The following ZNF723 variants were observed in gnomAD, a reference collection of about 807,000 sequenced individuals.
ZNF723 encodes zinc finger protein 723, pseudogene.
A neutral mutation model predicts 9.4 loss-of-function variants in ZNF723; 5 were observed. The ratio of observed to expected loss-of-function variants is 0.53; its 90% confidence interval spans 0.28 to 1.12. The LOEUF is 1.12. Among genes scored for constraint, ZNF723 ranks in the 50% most tolerant of loss-of-function variants. ZNF723 has a pLI of 0.10. For missense variants in ZNF723, 450 were observed against 501.5 expected (o/e 0.90, Z 0.98); for synonymous variants, 158 against 168.8 (o/e 0.94, Z 0.49).
At chr19:22,855,781 A>G (rs142807265) in intron 3 of ZNF723, among the ~76,000 whole-genome samples, 2 of 152,294 alleles carry the variant, frequency 1.3e-5, no homozygotes, top group Non-Finnish European at 2.9e-5. Context: ...GTTATCTGAA[A>G]GCCTGCTTGT....
At chr19:22,820,149 TCTC>T in the ZNF723 span, among the ~76,000 whole-genome samples, 1 of 152,102 alleles carries the variant, frequency 6.6e-6, no homozygotes, top group African/African-American at 2.4e-5. Flanking sequence ...GGGTTGGAAA[TCTC>T]CTTTCTCTGC....
the ZNF723 span, among the ~76,000 whole-genome samples, chr19:22,818,947 A>G: frequency 6.6e-6 from 1 of 152,092 alleles, no homozygotes; most frequent in African/African-American, 2.4e-5. Context: ...GAATTGTGAC[A>G]TATCTCTGCA....
chr19:22,830,602 G>A (rs949539197), upstream of ZNF723, among the ~76,000 whole-genome samples: 1 of 152,040 alleles, frequency 6.6e-6, no homozygotes, highest in Non-Finnish European at 1.5e-5. Flanking sequence ...CCCATCTATG[G>A]GGCAGCATTG....
the ZNF723 span, among the ~76,000 whole-genome samples, chr19:22,813,612 G>A: frequency 6.6e-6 from 1 of 151,760 alleles, no homozygotes; most frequent in Admixed American, 6.6e-5. Context: ...ATTGTGGCGG[G>A]TGTCTGTAAT....
At chr19:22,830,410 C>G (rs906915111), upstream of ZNF723, among the ~76,000 whole-genome samples, 3 of 152,166 alleles carry the variant, frequency 2.0e-5, no homozygotes, top group African/African-American at 7.2e-5. Flanking sequence ...CCAAGTGATT[C>G]TTTCAACTCA....
At chr19:22,831,464 G>C (rs942894299), upstream of ZNF723, among the ~76,000 whole-genome samples, 3 of 151,988 alleles carry the variant, frequency 2.0e-5, no homozygotes, top group African/African-American at 4.8e-5. Flanking sequence ...GGCTGAGGCA[G>C]GACAATCACT....
chr19:22,827,442 T>TATTG (rs1555737918), upstream of ZNF723, among the ~76,000 whole-genome samples: 3 of 130,396 alleles, frequency 2.3e-5, no homozygotes, highest in South Asian at 7.6e-4. Context: ...TTTTTTGTTT[T>TATTG]TTTGTTTGTT....
chr19:22,832,902 G>GA (rs1240457097), intron 1 of ZNF723, among the ~76,000 whole-genome samples: 1 of 152,134 alleles, frequency 6.6e-6, no homozygotes, highest in African/African-American at 2.4e-5. Flanking sequence ...GATGCATGAT[G>GA]AAAAAACCCA....
At position 22,857,859 on chromosome 19, in the gene ZNF723, A is replaced by C; in HGVS notation, c.968A>C (p.Asn323Thr). 1 of 1,405,016 alleles carries C rather than the reference A, an allele frequency of 7.1e-7. No homozygotes were observed. The highest frequency in any genetic ancestry group is 1.4e-5 in the African/African-American group (1 of 70,716). The allele number at this position is 1,405,016 out of a possible 1,614,324, so 87.0% of individuals were successfully genotyped here. A position where few individuals can be genotyped will look rare whatever the true frequency, so the allele number is the denominator to read the frequency against. ...YKCEECGKAF[N>T]QPSHLATHKR... ...TGTGAAGAATGTGGCAAAGCCTTTA[A>C]CCAGCCCTCACACCTTGCTACACAT... Residue 323 changes from asparagine to threonine, a missense_variant, in exon 4 of 4, where the codon AAC becomes ACC. Physicochemically the swap from Asn to Thr is moderately conservative, Grantham distance 65. Transcript: ENST00000600766.
chr19:22,814,709 A>G, the ZNF723 span, among the ~76,000 whole-genome samples: 1 of 152,172 alleles, frequency 6.6e-6, no homozygotes, highest in Non-Finnish European at 1.5e-5. Context: ...CTTCTTGCAC[A>G]TGTGATTGTG....
chr19:22,832,491 CGCTCGGAGTTCTAGCCTG>C, intron 1 of ZNF723, 109 bp downstream of exon 1: 1 of 1,168,092 alleles, frequency 8.6e-7, no homozygotes. Flanking sequence ...CCACAATCTG[CGCTCGGAGTTCTAGCCTG>C]GCCCGGCCTC....
At chr19:22,839,560 G>A (rs1255680855) in intron 1 of ZNF723, among the ~76,000 whole-genome samples, 1 of 148,412 alleles carries the variant, frequency 6.7e-6, no homozygotes, top group African/African-American at 2.5e-5. Flanking sequence ...TCCACCTCCT[G>A]CTTCCCAGGT....
At chr19:22,835,085 G>A (rs2145206037) in intron 1 of ZNF723, among the ~76,000 whole-genome samples, 2 of 97,486 alleles carry the variant, frequency 2.1e-5, no homozygotes, top group African/African-American at 1.1e-4. Flanking sequence ...TTTTTTTTGA[G>A]ATGGAGTTTC....
the ZNF723 span, among the ~76,000 whole-genome samples, chr19:22,822,647 G>T: frequency 6.6e-6 from 1 of 152,168 alleles, no homozygotes; most frequent in Non-Finnish European, 1.5e-5. Flanking sequence ...CGGATCACGA[G>T]GTCAGGAGAT....
chr19:22,812,531 A>ACAAT, the ZNF723 span, among the ~76,000 whole-genome samples: 1 of 152,202 alleles, frequency 6.6e-6, no homozygotes, highest in South Asian at 2.1e-4. Flanking sequence ...TTCCACAGGT[A>ACAAT]CAATCATGGG....
At chr19:22,823,869 C>T in the ZNF723 span, among the ~76,000 whole-genome samples, 53,236 of 152,130 alleles carry the variant, frequency 0.35, 9,457 homozygotes, top group African/African-American at 0.43. Flanking sequence ...TCACTGAGCC[C>T]AGCACCTATG....
At chr19:22,826,841 A>T in the ZNF723 span, among the ~76,000 whole-genome samples, 1 of 152,236 alleles carries the variant, frequency 6.6e-6, no homozygotes, top group Non-Finnish European at 1.5e-5. Context: ...CAACTTATAT[A>T]TAAAAAAACT....
chr19:22,828,628 G>A (rs1450034552), upstream of ZNF723, among the ~76,000 whole-genome samples: 1 of 151,874 alleles, frequency 6.6e-6, no homozygotes, highest in African/African-American at 2.4e-5. Context: ...ACTCCAGCCT[G>A]GTGACAGAGC....
the ZNF723 span, among the ~76,000 whole-genome samples, chr19:22,814,841 C>G: frequency 6.6e-6 from 1 of 152,144 alleles, no homozygotes; most frequent in Non-Finnish European, 1.5e-5. Context: ...TGCCTTAGCA[C>G]TTTTCACAGA....
Sources: allele counts gnomAD v4.1 joint callset (sites outside exome capture counted in the v4.1 genomes callset), GRCh38; gene constraint gnomAD v4.1.1; transcripts MANE v1.5; gene names NCBI Gene and HGNC (gene_info 2026-07-23, HGNC 2026-07-21).